The following RAB3GAP2 variants were observed in gnomAD, a reference collection of about 807,000 sequenced individuals.
RAB3GAP2 encodes RAB3 GTPase activating non-catalytic protein subunit 2.
In RAB3GAP2, 87 loss-of-function variants were observed where a neutral mutation model predicts 185.3. That is an observed-to-expected ratio of 0.47 (90% confidence interval 0.39 to 0.56). The LOEUF (loss-of-function observed/expected upper bound fraction) is 0.56. Ranked by LOEUF, RAB3GAP2 falls within the 20% of genes least tolerant of loss-of-function variation. RAB3GAP2 has a pLI of 0.00. For synonymous variants in RAB3GAP2, 554 were observed against 576.1 expected, an observed-to-expected ratio of 0.96 and a Z score of 0.55; for missense variants, 1,492 against 1,638.2, an observed-to-expected ratio of 0.91 and a Z score of 1.54.
Position 220,167,563 on chromosome 1 carries a change from T to G in RAB3GAP2, c.2919A>C (p.Glu973Asp). The G allele has an allele frequency of 6.2e-7, 1 of 1,614,176 alleles. No individual in the cohort carries two copies. The highest frequency in any genetic ancestry group is 8.5e-7 in the Non-Finnish European group (1 of 1,179,998). The change falls in exon 25 of 35, where the codon GAA (glutamate) becomes GAC (aspartate). Residue 973 changes from glutamate to aspartate, a missense_variant. This residue lies in a region of RAB3GAP2 where 681 missense variants were observed against 689.1 expected (regional missense o/e 0.99). Transcript: ENST00000358951. ...RDAENPDEPK[E>D]GVNRSFLEVS... ...CCTCAAGGAAACTTCTGTTAACACC[T>G]TCTTTGGGTTCATCTGGGTTTTCTG...
At chr1:220,190,281 C>T in intron 15 of RAB3GAP2, 96 bp downstream of exon 15, 1 of 1,572,588 alleles carries the variant, frequency 6.4e-7, no homozygotes, top group Non-Finnish European at 8.7e-7. Flanking sequence ...ACAAAGGAAA[C>T]AACAAAATAG....
intron 1 of RAB3GAP2, among the ~76,000 whole-genome samples, chr1:220,257,746 T>TA (rs1240834568): frequency 6.6e-6 from 1 of 151,884 alleles, no homozygotes; most frequent in African/African-American, 2.4e-5. Context: ...CTGAAGGAGA[T>TA]AGAGGCACAA....
intron 1 of RAB3GAP2, among the ~76,000 whole-genome samples, chr1:220,245,676 G>A (rs1364274014): frequency 2.6e-5 from 4 of 151,958 alleles, no homozygotes; most frequent in East Asian, 2.0e-4. Context: ...ACAGCTCAAG[G>A]AGGCCTGCCT....
At chr1:220,173,464 T>C (rs534178980) in intron 21 of RAB3GAP2, among the ~76,000 whole-genome samples, 6 of 152,310 alleles carry the variant, frequency 3.9e-5, no homozygotes, top group Non-Finnish European at 8.8e-5. Flanking sequence ...ATGTGAAAAA[T>C]AGCTCTAAGT....
chr1:220,206,791 T>C (rs1389730317), intron 7 of RAB3GAP2, among the ~76,000 whole-genome samples: 1 of 152,230 alleles, frequency 6.6e-6, no homozygotes, highest in Non-Finnish European at 1.5e-5. Context: ...TCCTCTCAGA[T>C]CTTCACCTGC....
chr1:220,267,329 A>T, intron 1 of RAB3GAP2: 1 of 1,047,796 alleles, frequency 9.5e-7, no homozygotes, highest in Non-Finnish European at 1.5e-6. Flanking sequence ...AAATAACCAT[A>T]CAGTCTGATT....
chr1:220,229,532 G>GA (rs763035093), intron 2 of RAB3GAP2, among the ~76,000 whole-genome samples: 5 of 152,206 alleles, frequency 3.3e-5, no homozygotes, highest in African/African-American at 4.8e-5. Flanking sequence ...CAAAAAGCAA[G>GA]TCTGTGGCAC....
Position 220,272,233 on chromosome 1 carries a change from C to G in RAB3GAP2, c.105G>C (p.Arg35=). The change falls in exon 1 of 35, where the codon CGG becomes CGC. Residue 35 remains arginine, a synonymous_variant. Transcript: ENST00000358951. The part of the protein sequence containing the change: ...LREEILSGAL[R]RDPSKSTDWE... ...CAGAGAGGCACTTACTGGGGTCCCT[C>G]CGCAAGGCGCCGCTGAGGATCTCCT... 1 of 1,606,636 alleles carries G rather than the reference C, an allele frequency of 6.2e-7. No individual in the cohort carries two copies. The highest frequency in any genetic ancestry group is 8.5e-7 in the Non-Finnish European group (1 of 1,177,610).
intron 28 of RAB3GAP2, among the ~76,000 whole-genome samples, chr1:220,160,462 GC>G (rs1185043169): frequency 6.6e-6 from 1 of 152,084 alleles, no homozygotes; most frequent in East Asian, 1.9e-4. Flanking sequence ...GCTTAAAACT[GC>G]CCCAGTGTCT....
intron 1 of RAB3GAP2, among the ~76,000 whole-genome samples, chr1:220,247,300 G>A (rs755300511): frequency 4.5e-4 from 69 of 152,260 alleles, no homozygotes; most frequent in Non-Finnish European, 7.6e-4. Context: ...AAAGACACAT[G>A]CACACACGTT....
At chr1:220,183,679 G>A (rs1658454770) in intron 19 of RAB3GAP2, among the ~76,000 whole-genome samples, 1 of 152,154 alleles carries the variant, frequency 6.6e-6, no homozygotes, top group African/African-American at 2.4e-5. Context: ...TTATAAAGCA[G>A]CGTAAACACT....
intron 14 of RAB3GAP2, among the ~76,000 whole-genome samples, 175 bp downstream of exon 14, chr1:220,190,893 T>G (rs1210079156): frequency 1.3e-5 from 2 of 152,184 alleles, no homozygotes; most frequent in Non-Finnish European, 2.9e-5. Flanking sequence ...AATTTTTTTT[T>G]TTTGTTATTA....
At chr1:220,166,351 G>A (rs1306240310) in intron 26 of RAB3GAP2, among the ~76,000 whole-genome samples, 1 of 152,144 alleles carries the variant, frequency 6.6e-6, no homozygotes, top group African/African-American at 2.4e-5. Flanking sequence ...CCTCATATAA[G>A]GAAGATAAAG....
Position 220,213,901 on chromosome 1 carries a change from C to T in RAB3GAP2, c.259G>A (p.Asp87Asn). 3.1e-6 allele frequency: 5 copies of T among 1,613,254 alleles called. No individual in the cohort carries two copies. Among genetic ancestry groups the T allele is most frequent in the Non-Finnish European group, 4.2e-6 (5 of 1,179,276 alleles). Reference protein sequence around the residue: ...DCVLSLSPTNDLMVIAREQKA... With the variant: ...DCVLSLSPTNNLMVIAREQKA... The stretch of plus-strand genomic sequence containing the variant: ...TGCTCTCGAGCTATCACCATAAGAT[C>T]ATTGGTTGGAGATAAGGATAAAACA... The change falls in exon 3 of 35, where the codon GAT becomes AAT. Residue 87 changes from aspartate to asparagine, a missense_variant. Physicochemically the swap from Asp to Asn is conservative, Grantham distance 23 (BLOSUM62 1). Around this residue, in one of 5 missense-constraint regions of RAB3GAP2, gnomAD observed 177 missense variants for 160.6 expected, o/e 1.10. Coordinates refer to ENST00000358951, the MANE Select transcript of RAB3GAP2 (RefSeq NM_012414.4).
Position 220,205,835 on chromosome 1 carries a change from A to C in RAB3GAP2, c.712+72T>G, listed in dbSNP as rs1658953111. The C allele has an allele frequency of 2.6e-6, 3 of 1,138,020 alleles. No individual in the cohort carries two copies. The South Asian group carries it at 4.0e-5, about 15-fold the overall frequency. The allele number at this position is 1,138,020 out of a possible 1,614,324, so 70.5% of individuals were successfully genotyped here. ...CCTTTTTTATTTAGAAGACATACTT[A>C]ATTCCATAAGCAGGTGAAATTAAAT... On this transcript the variant is annotated intron_variant, in intron 8 of 34. Coordinates refer to ENST00000358951, the MANE Select transcript of RAB3GAP2 (RefSeq NM_012414.4).
Position 220,190,884 on chromosome 1 carries a change from A to AT in RAB3GAP2, c.1487+183dup, listed in dbSNP as rs535252891. ...TCAGCAGTCTATCATGGCATTTTTA[A>AT]TTTTTTTTTTTTGTTATTAAATACT... On this transcript the variant is annotated intron_variant, in intron 14 of 34. Coordinates refer to ENST00000358951, the MANE Select transcript of RAB3GAP2 (RefSeq NM_012414.4). Among the ~76,000 whole-genome samples the AT allele has an allele frequency of 9.5e-3, 1,395 of 147,344 alleles. 15 individuals are homozygous for AT. Among genetic ancestry groups the AT allele is most frequent in the African/African-American group, 0.029 (1,182 of 40,464 alleles).
In RAB3GAP2 at chr1:220,271,345, A is replaced by AAAAATAAAAT. The variant is rs145194826; in HGVS notation, c.115+868_115+877dup. The stretch of plus-strand genomic sequence containing the variant: ...CAAATGTGCTTCAGGTTGGAAATGC[A>AAAAATAAAAT]AAAATAAAATAAAATAAAATAAAAT... On this transcript the variant is annotated intron_variant, in intron 1 of 34. Transcript: ENST00000358951. 6.0e-5 allele frequency: 9 copies of AAAAATAAAAT among 150,884 alleles called. No homozygotes were observed. In the East Asian group the frequency reaches 1.6e-3, roughly 26 times the overall value. 9.3% of individuals were successfully genotyped at this position (150,884 alleles called of 1,614,324 possible). A position where few individuals can be genotyped will look rare whatever the true frequency, so the allele number is the denominator to read the frequency against.
intron 18 of RAB3GAP2, among the ~76,000 whole-genome samples, chr1:220,184,414 A>T (rs1658472378): frequency 6.6e-6 from 1 of 152,302 alleles, no homozygotes; most frequent in Admixed American, 6.5e-5. Context: ...AAATATCTTC[A>T]TCTAATACTT....
At chr1:220,258,300 CA>C (rs1335549300) in intron 1 of RAB3GAP2, among the ~76,000 whole-genome samples, 1 of 152,144 alleles carries the variant, frequency 6.6e-6, no homozygotes, top group African/African-American at 2.4e-5. Context: ...AACTTCAGGC[CA>C]ATATTCCTGA....
Sources: gnomAD v4.1 joint callset for allele counts (sites outside exome capture counted in the v4.1 genomes callset) on GRCh38, gnomAD v4.1.1 for gene constraint, gnomAD v4.1.1 regional missense constraint, MANE v1.5 for transcripts, NCBI Gene and HGNC (gene_info 2026-07-23, HGNC 2026-07-21) for gene names.